RPGR: variants seen among roughly 807,000 people sequenced by gnomAD.
RPGR encodes X-linked retinitis pigmentosa GTPase regulator.
RPGR carries 10 observed loss-of-function variants against 56.3 expected under a neutral mutation model. The ratio of observed to expected loss-of-function variants is 0.18; its 90% CI spans 0.11 to 0.30. The LOEUF (loss-of-function observed/expected upper bound fraction) is 0.30. RPGR is among the 10% of genes least tolerant of loss of function. RPGR has a pLI of 1.00. For missense variants in RPGR, 538 were observed against 590.9 expected (o/e 0.91, Z 0.93); for synonymous variants, 197 against 212.9 (o/e 0.93, Z 0.65).
intron 6 of RPGR, among the ~76,000 whole-genome samples, chrX:38,312,876 T>C (rs1370290223): frequency 9.1e-6 from 1 of 110,241 alleles, no homozygotes. Flanking sequence ...CCAGAAGGTC[T>C]AGGCTACAGT....
At position 38,317,281 on chromosome X, in the gene RPGR, G is replaced by A. The variant is rs185798033; in HGVS notation, c.619+35C>T. 65 of 1,152,812 alleles carry A rather than the reference G, an allele frequency of 5.6e-5. 1 individual carries two copies. In the African/African-American group the frequency reaches 8.9e-4, roughly 16 times the overall value. On this transcript the variant is annotated intron_variant, in intron 6 of 18. Transcript: ENST00000642395. ...ATTAATTTAATAACAACATAGAAGT[G>A]GGAGATAACATGATGACTTCAAAAT...
intron 3 of RPGR, among the ~76,000 whole-genome samples, chrX:38,321,809 G>T (rs980049126): frequency 9.0e-6 from 1 of 111,361 alleles, no homozygotes; most frequent in Non-Finnish European, 1.9e-5. Context: ...ATGAAAAACC[G>T]AAGACCAATA....
At position 38,269,802 on chromosome X, in the gene RPGR, T is replaced by C; in HGVS notation, c.2272A>G (p.Asn758Asp). The stretch of plus-strand genomic sequence containing the variant: ...TTGTTATTCTTGACAATCTTTTGAT[T>C]TATTGAGGGGACTCTTTTGAACAGA... Residue 758 changes from asparagine to aspartate, a missense_variant, in exon 19 of 19, where the codon AAT becomes GAT. Physicochemically the swap from Asn to Asp is conservative, Grantham distance 23. Around this residue, in one of 2 missense-constraint regions of RPGR, gnomAD observed 357 missense variants for 325.8 expected, o/e 1.10. Transcript: ENST00000642395. 1 of 1,207,593 alleles carries C rather than the reference T, an allele frequency of 8.3e-7. No homozygotes were observed.
chrX:38,324,822 G>C (rs756557262), intron 1 of RPGR, among the ~76,000 whole-genome samples: 5 of 101,705 alleles, frequency 4.9e-5, no homozygotes, highest in South Asian at 5.0e-4. Flanking sequence ...AGAGAGATTG[G>C]TAGGTAGCAC....
chrX:38,304,535 T>A, intron 8 of RPGR, 100 bp downstream of exon 8: 1 of 666,026 alleles, frequency 1.5e-6, no homozygotes. Context: ...CAGCCATTAA[T>A]TCCTTTACTT....
At chrX:38,281,412 A>T (rs1447867682) in intron 15 of RPGR, among the ~76,000 whole-genome samples, 1 of 112,602 alleles carries the variant, frequency 8.9e-6, no homozygotes, top group Admixed American at 9.4e-5. Flanking sequence ...TATGGTGTGT[A>T]ATAGTTTCAC....
rs376866035 is a variant in RPGR, at chrX:38,317,350, G to A, written c.585C>T (p.Ile195=). 8.3e-7 allele frequency: 1 copy of A among 1,210,157 alleles called. No homozygotes were observed. The highest frequency in any genetic ancestry group is 1.7e-5 in the African/African-American group (1 of 57,697). The change falls in exon 6 of 19, where the codon ATC becomes ATT. Residue 195 remains isoleucine, a synonymous_variant. Coordinates refer to ENST00000642395, the MANE Select transcript of RPGR (RefSeq NM_000328.3). The stretch of plus-strand genomic sequence containing the variant: ...AAGCTGAATGGTAATATCCACAAGA[G>A]ATCCAGGAGACAGGTTTCCCAATGG...
chrX:38,325,031 G>A (rs5963405), intron 1 of RPGR, among the ~76,000 whole-genome samples: 15,396 of 106,094 alleles, frequency 0.15, 1,284 homozygotes, highest in East Asian at 0.61. Flanking sequence ...TTAGCCGGGC[G>A]TGGTGGTGGG....
chrX:38,284,090 C>G (rs1286223485), intron 15 of RPGR, among the ~76,000 whole-genome samples: 2 of 111,293 alleles, frequency 1.8e-5, no homozygotes. Flanking sequence ...TAGACTTTTT[C>G]CTCATATTCT....
intron 1 of RPGR, among the ~76,000 whole-genome samples, chrX:38,323,836 C>G (rs1399605664): frequency 8.9e-6 from 1 of 112,442 alleles, no homozygotes; most frequent in African/African-American, 3.2e-5. Context: ...AAGTAGATGT[C>G]TATTCCCTGG....
At chrX:38,281,910 GT>G (rs201145231) in intron 15 of RPGR, among the ~76,000 whole-genome samples, 9,101 of 109,481 alleles carry the variant, frequency 0.083, 382 homozygotes, top group South Asian at 0.14. Flanking sequence ...TCTCACAGAT[GT>G]TTTTTTTCTC....
chrX:38,296,133 G>A (rs765775984), intron 11 of RPGR: 46 of 110,221 alleles, frequency 4.2e-4, no homozygotes, highest in African/African-American at 1.5e-3. Flanking sequence ...CTAACACGGT[G>A]AAACCGCATG....
rs1187250468 is a variant in RPGR, at chrX:38,318,819, C to A, written c.469+10G>T. ...AATGTGTCCCAGACTGAAAAAGAAACAAGTCTCACCAGTTAGGGCAGCTGA... is the reference window on the plus strand; with the variant it reads ...AATGTGTCCCAGACTGAAAAAGAAAAAAGTCTCACCAGTTAGGGCAGCTGA... On this transcript the variant is annotated intron_variant, in intron 5 of 18. Coordinates refer to ENST00000642395, the MANE Select transcript of RPGR (RefSeq NM_000328.3). The A allele has an allele frequency of 8.3e-7, 1 of 1,210,713 alleles. No homozygotes were observed. The highest frequency in any genetic ancestry group is 1.7e-5 in the African/African-American group (1 of 57,789).
chrX:38,274,842 T>C lies in RPGR; in HGVS notation c.2149+247A>G, dbSNP rs67059793. 0.18 allele frequency among the ~76,000 whole-genome samples: 19,488 copies of C among 111,060 alleles called. 1,634 individuals carry two copies. The highest frequency in any genetic ancestry group is 0.58 in the East Asian group (2,019 of 3,455). Reference sequence around the variant, plus strand: ...AAAAAAAATAAAAAATTCCTTAACATTGACACATAAGTAGCCATGAATAAT... The same window carrying C: ...AAAAAAAATAAAAAATTCCTTAACACTGACACATAAGTAGCCATGAATAAT... On this transcript the variant is annotated intron_variant, in intron 17 of 18. Transcript: ENST00000642395.
intron 6 of RPGR, among the ~76,000 whole-genome samples, chrX:38,311,650 T>C (rs534013401): frequency 9.0e-6 from 1 of 111,606 alleles, no homozygotes; most frequent in Non-Finnish European, 1.9e-5. Context: ...TTGTTATATA[T>C]ACCAGAGCAA....
intron 3 of RPGR, 82 bp downstream of exon 3, chrX:38,322,771 T>G: frequency 1.3e-6 from 1 of 742,603 alleles, no homozygotes; most frequent in Non-Finnish European, 2.1e-6. Flanking sequence ...CTAAAAGCTT[T>G]ATTATTTATG....
rs2147232730 is a variant in RPGR, at chrX:38,299,076, A to C, written c.1125T>G (p.Ile375Met). 2.5e-6 allele frequency: 3 copies of C among 1,211,610 alleles called. No individual in the cohort carries two copies. Among genetic ancestry groups the C allele is most frequent in the East Asian group, 5.9e-5 (2 of 33,843 alleles). Reference sequence around the variant, plus strand: ...AAGTATCATTTATTTCATCGAATTCAATTTCTTTTGCCACACCACGATGAG... The same window carrying C: ...AAGTATCATTTATTTCATCGAATTCCATTTCTTTTGCCACACCACGATGAG... The change falls in exon 10 of 19, where the codon ATT (isoleucine) becomes ATG (methionine). Residue 375 changes from isoleucine to methionine, a missense_variant. By Grantham distance (10) the Ile-to-Met change is conservative. Transcript: ENST00000642395.
At chrX:38,279,736 A>T (rs1203675200) in intron 15 of RPGR, among the ~76,000 whole-genome samples, 1 of 107,009 alleles carries the variant, frequency 9.3e-6, no homozygotes, top group East Asian at 2.8e-4. Context: ...ATAGTTTTTT[A>T]AAAGTAATAA....
At chrX:38,273,708 T>C in intron 17 of RPGR, 1 of 306,773 alleles carries the variant, frequency 3.3e-6, no homozygotes, top group East Asian at 4.9e-5. Context: ...AGTATCCAAA[T>C]ATAGCTACAA....
Sources: gnomAD v4.1 joint callset for allele counts (sites outside exome capture counted in the v4.1 genomes callset) on GRCh38, gnomAD v4.1.1 for gene constraint, gnomAD v4.1.1 regional missense constraint, MANE v1.5 for transcripts, NCBI Gene and HGNC (gene_info 2026-07-23, HGNC 2026-07-21) for gene names.